The following ITGA1 variants were observed in gnomAD, a reference collection of about 807,000 sequenced individuals.
ITGA1 encodes integrin alpha-1.
A neutral mutation model predicts 145.9 loss-of-function variants in ITGA1; 85 were observed. The observed-to-expected ratio is 0.58, with a 90% CI of 0.49 to 0.70. The LOEUF (loss-of-function observed/expected upper bound fraction) is 0.70. Ranked by LOEUF, ITGA1 falls within the 30% of genes least tolerant of loss-of-function variation. The pLI, the probability that ITGA1 is intolerant of heterozygous loss-of-function variation, is 0.00. For missense variants in ITGA1, 1,351 were observed against 1,418.7 expected (o/e 0.95, Z 0.77); for synonymous variants, 520 against 495.3 (o/e 1.05, Z -0.66).
chr5:52,795,709 A>T (rs1748327997), intron 1 of ITGA1, among the ~76,000 whole-genome samples: 1 of 151,916 alleles, frequency 6.6e-6, no homozygotes. Flanking sequence ...GTTTTGTCTG[A>T]TCCAGTTTTC....
At position 52,958,821 on chromosome 5, in the gene ITGA1, C is replaced by T. The variant is rs1383195643; in HGVS notation, c.*6370C>T. On this transcript the variant is annotated 3_prime_UTR_variant, in exon 29 of 29. Coordinates refer to ENST00000282588, the MANE Select transcript of ITGA1 (RefSeq NM_181501.2). ...TTTCATTGCTCATTTTTTTTTGCCTCACTAAAATGACTAACTTAAGGGAAT... is the reference window on the plus strand; with the variant it reads ...TTTCATTGCTCATTTTTTTTTGCCTTACTAAAATGACTAACTTAAGGGAAT... 5.3e-5 allele frequency: 8 copies of T among 151,462 alleles called. No individual in the cohort carries two copies. The highest frequency in any genetic ancestry group is 1.9e-4 in the African/African-American group (8 of 41,272). The allele number at this position is 151,462 out of a possible 1,614,324, so 9.4% of individuals were successfully genotyped here.
intron 14 of ITGA1, among the ~76,000 whole-genome samples, chr5:52,914,597 CA>C (rs34589797): frequency 3.0e-4 from 42 of 141,932 alleles, no homozygotes; most frequent in African/African-American, 7.2e-4. Flanking sequence ...GATAGCGTCT[CA>C]AAAAAAAAAA....
intron 18 of ITGA1, 105 bp from the exon 19 acceptor site, chr5:52,925,173 C>T (rs1157720381): frequency 1.3e-6 from 1 of 776,390 alleles, no homozygotes; most frequent in Non-Finnish European, 2.2e-6. Flanking sequence ...TTATGAGTTG[C>T]TTAACTTACT....
At chr5:52,861,249 GTA>G (rs1183126478) in intron 2 of ITGA1, among the ~76,000 whole-genome samples, 196 bp from the exon 3 acceptor site, 1 of 152,014 alleles carries the variant, frequency 6.6e-6, no homozygotes, top group Non-Finnish European at 1.5e-5. Flanking sequence ...GTGTGTGTGT[GTA>G]TATATACTTT....
chr5:52,816,897 G>C (rs890294241), intron 1 of ITGA1, among the ~76,000 whole-genome samples: 1 of 152,194 alleles, frequency 6.6e-6, no homozygotes, highest in Non-Finnish European at 1.5e-5. Context: ...TACAACAGGT[G>C]GGGGTTTTCT....
At chr5:52,872,865 A>T (rs1749800101) in intron 6 of ITGA1, among the ~76,000 whole-genome samples, 1 of 152,138 alleles carries the variant, frequency 6.6e-6, no homozygotes, top group African/African-American at 2.4e-5. Flanking sequence ...TTCTTGAGAA[A>T]AATGCCTTCC....
intron 13 of ITGA1, among the ~76,000 whole-genome samples, chr5:52,909,691 T>A (rs1274986137): frequency 1.3e-5 from 2 of 151,974 alleles, no homozygotes; most frequent in Admixed American, 6.6e-5. Context: ...CCTGTCAACT[T>A]TTTTTGTCCT....
At position 52,878,568 on chromosome 5, in the gene ITGA1, G is replaced by C. The variant is rs141960643; in HGVS notation, c.625-3305G>C. ...GTCTTGTTAAGTTGGCATCTCTTCAGCTCCTCTCATGTGAGCTCATCCCCA... is the reference window on the plus strand; with the variant it reads ...GTCTTGTTAAGTTGGCATCTCTTCACCTCCTCTCATGTGAGCTCATCCCCA... On this transcript the variant is annotated intron_variant, in intron 6 of 28. Coordinates refer to ENST00000282588, the MANE Select transcript of ITGA1 (RefSeq NM_181501.2). Among the ~76,000 whole-genome samples, 366 of 152,320 alleles carry C rather than the reference G, an allele frequency of 2.4e-3. 3 individuals carry two copies. The highest frequency in any genetic ancestry group is 8.4e-3 in the African/African-American group (351 of 41,564).
intron 1 of ITGA1, among the ~76,000 whole-genome samples, chr5:52,847,723 T>G (rs1378704410): frequency 1.3e-5 from 2 of 152,270 alleles, no homozygotes; most frequent in African/African-American, 4.8e-5. Context: ...TGGCTAATAT[T>G]TGTATATTTT....
chr5:52,791,705 ACAAG>A lies in ITGA1; in HGVS notation c.61+3294_61+3297del, dbSNP rs146221835. The stretch of plus-strand genomic sequence containing the variant: ...AAAAAATTAAGTTTACTAATTGATC[ACAAG>A]CAGTCACAGATTTCTTTGTTCTTTT... On this transcript the variant is annotated intron_variant, in intron 1 of 28. Transcript: ENST00000282588. Among the ~76,000 whole-genome samples the A allele has an allele frequency of 6.6e-3, 1,006 of 151,850 alleles. 9 individuals carry two copies. The highest frequency in any genetic ancestry group is 0.022 in the African/African-American group (926 of 41,350).
intron 14 of ITGA1, among the ~76,000 whole-genome samples, chr5:52,911,001 G>A (rs62638854): frequency 1.2e-3 from 34 of 29,488 alleles, no homozygotes; most frequent in African/African-American, 3.1e-3. Flanking sequence ...TATATAGTAT[G>A]TATACTGTAT....
At chr5:52,816,317 A>G (rs139063161) in intron 1 of ITGA1, among the ~76,000 whole-genome samples, 1 of 152,350 alleles carries the variant, frequency 6.6e-6, no homozygotes, top group African/African-American at 2.4e-5. Context: ...GTTTTCAAAT[A>G]AAGATCATTT....
chr5:52,798,824 G>C lies in ITGA1; in HGVS notation c.61+10410G>C, dbSNP rs142880686. On this transcript the variant is annotated intron_variant, in intron 1 of 28. Coordinates refer to ENST00000282588, the MANE Select transcript of ITGA1 (RefSeq NM_181501.2). ...TTTCATAGAAACACTTTATGGTAAA[G>C]ATCTTGGCGCTCACTGAGAATTTCC... 2.2e-4 allele frequency among the ~76,000 whole-genome samples: 33 copies of C among 152,278 alleles called. 1 individual carries two copies. In the East Asian group the frequency reaches 6.2e-3, roughly 29 times the overall value.
intron 1 of ITGA1, among the ~76,000 whole-genome samples, chr5:52,799,100 G>C (rs753550178): frequency 9.2e-5 from 14 of 152,138 alleles, no homozygotes; most frequent in Admixed American, 3.3e-4. Context: ...GAGAAAGACA[G>C]AAAAGACAGT....
intron 6 of ITGA1, among the ~76,000 whole-genome samples, chr5:52,879,336 C>T (rs145178624): frequency 2.7e-3 from 413 of 152,170 alleles, no homozygotes; most frequent in African/African-American, 9.0e-3. Flanking sequence ...GGAAGAAAAA[C>T]AAAGCAAACT....
chr5:52,916,310 T>C (rs1046664619), intron 15 of ITGA1, among the ~76,000 whole-genome samples: 2 of 151,952 alleles, frequency 1.3e-5, no homozygotes, highest in Non-Finnish European at 2.9e-5. Flanking sequence ...TAAATTTCAT[T>C]AAGAAATATA....
At chr5:52,796,607 T>G (rs1246994530) in intron 1 of ITGA1, among the ~76,000 whole-genome samples, 1 of 152,028 alleles carries the variant, frequency 6.6e-6, no homozygotes, top group African/African-American at 2.4e-5. Flanking sequence ...TATAAGTAAG[T>G]GCCTTAAGAA....
chr5:52,943,225 A>T (rs1333096031), intron 26 of ITGA1, among the ~76,000 whole-genome samples: 2 of 152,014 alleles, frequency 1.3e-5, no homozygotes, highest in Non-Finnish European at 2.9e-5. Context: ...GATGACTCTT[A>T]TTATTTGGAG....
At position 52,788,380 on chromosome 5, in the gene ITGA1, A is replaced by T. The variant is rs545818156; in HGVS notation, c.27A>T (p.Pro9=). 6.9e-5 allele frequency: 105 copies of T among 1,512,604 alleles called. No individual in the cohort carries two copies. The African/African-American group carries it at 1.3e-3, about 18-fold the overall frequency. 93.7% of individuals were successfully genotyped at this position (1,512,604 alleles called of 1,614,324 possible). The change falls in exon 1 of 29, where the codon CCA becomes CCT. Residue 9 remains proline (P), a synonymous_variant. Transcript: ENST00000282588. ...TGGCCCCTCGGCCCCGCGCCCGCCC[A>T]GGGGTCGCTGTCGCCTGCTGCTGGC... MAPRPRAR[P]GVAVACCWLL... is the part of the protein sequence containing the mutation.
Sources: allele counts gnomAD v4.1 joint callset (sites outside exome capture counted in the v4.1 genomes callset), GRCh38; gene constraint gnomAD v4.1.1; transcripts MANE v1.5; gene names NCBI Gene and HGNC (gene_info 2026-07-23, HGNC 2026-07-21).